PIK3R2: variants seen among roughly 807,000 people sequenced by gnomAD.
PIK3R2 encodes phosphoinositide-3-kinase regulatory subunit 2.
In PIK3R2, 40 loss-of-function variants were observed where a neutral mutation model predicts 78.5. The ratio of observed to expected loss-of-function variants is 0.51; its 90% CI spans 0.40 to 0.66. PIK3R2 has a LOEUF of 0.66. Ranked by LOEUF, PIK3R2 falls within the 30% of genes least tolerant of loss-of-function variation. The pLI, the probability that PIK3R2 is intolerant of heterozygous loss-of-function variation, is 0.00. For synonymous variants in PIK3R2, 473 were observed against 457.7 expected (o/e 1.03, Z -0.43); for missense variants, 880 against 1,026.6 (o/e 0.86, Z 1.95).
At position 18,162,980 on chromosome 19, in the gene PIK3R2, A is replaced by T; in HGVS notation, c.1123A>T (p.Asn375Tyr). ...YTLTLRKGGN[N>Y]KLIKVFHRDG... ...CTCCTCCCCCAGGAAAGGCGGGAACAATAAGCTGATCAAGGTCTTCCACCG... is the reference window on the plus strand; with the variant it reads ...CTCCTCCCCCAGGAAAGGCGGGAACTATAAGCTGATCAAGGTCTTCCACCG... The change falls in exon 10 of 16, where the codon AAT becomes TAT. Residue 375 changes from asparagine to tyrosine, a missense_variant. Around this residue, in one of 3 missense-constraint regions of PIK3R2, gnomAD observed 156 missense variants for 241.0 expected, o/e 0.65. Transcript: ENST00000222254. 1 of 1,613,366 alleles carries T rather than the reference A, an allele frequency of 6.2e-7. No individual in the cohort carries two copies.
Position 18,168,376 on chromosome 19 carries a change from C to G in PIK3R2, c.1737-99C>G. On this transcript the variant is annotated intron_variant, in intron 13 of 15. Coordinates refer to ENST00000222254, the MANE Select transcript of PIK3R2 (RefSeq NM_005027.4). This position sits in a 1 kb window ranked among gnomAD's most constrained non-coding sequence, Gnocchi z 4.1. ...CAACCGGAGATATTGTACCCAGAACCCTCTCTCCTCAGCCAGACCCTGCCT... is the reference window on the plus strand; with the variant it reads ...CAACCGGAGATATTGTACCCAGAACGCTCTCTCCTCAGCCAGACCCTGCCT... 1 of 709,922 alleles carries G rather than the reference C, an allele frequency of 1.4e-6. No individual in the cohort carries two copies. Among genetic ancestry groups the G allele is most frequent in the Non-Finnish European group, 2.6e-6 (1 of 382,322 alleles). 44.0% of individuals were successfully genotyped at this position (709,922 alleles called of 1,614,324 possible). A position where few individuals can be genotyped will look rare whatever the true frequency, so the allele number is the denominator to read the frequency against.
At chr19:18,166,553 A>G (rs2043812647) in intron 12 of PIK3R2, among the ~76,000 whole-genome samples, 1 of 151,980 alleles carries the variant, frequency 6.6e-6, no homozygotes, top group African/African-American at 2.4e-5. Context: ...TCTATTAAAA[A>G]TACAAAAATT....
chr19:18,164,182 A>G (rs187798238), intron 11 of PIK3R2, among the ~76,000 whole-genome samples: 2 of 152,298 alleles, frequency 1.3e-5, no homozygotes, highest in Middle Eastern at 3.4e-3. Flanking sequence ...TACAAAACCA[A>G]AAAAGGACAG....
At position 18,169,291 on chromosome 19, in the gene PIK3R2, C is replaced by G; in HGVS notation, c.2184C>G (p.Arg728=). ...APGPGPPPAA[R] ...GCCCCGGCCCGCCGCCTGCCGCCCG[C>G]TGAGCACCGAGGACCCGCCCCAAGC... Residue 728 remains arginine, a synonymous_variant, in exon 16 of 16, where the codon CGC becomes CGG. Transcript: ENST00000222254. 2 of 1,485,716 alleles carry G rather than the reference C, an allele frequency of 1.3e-6. No individual in the cohort carries two copies. Among genetic ancestry groups the G allele is most frequent in the Non-Finnish European group, 1.8e-6 (2 of 1,124,282 alleles). The allele number at this position is 1,485,716 out of a possible 1,614,324, so 92.0% of individuals were successfully genotyped here.
In PIK3R2 at chr19:18,160,458, T is replaced by A; in HGVS notation, c.323-13T>A. On this transcript the variant is annotated splice_polypyrimidine_tract_variant and intron_variant, in intron 2 of 15. Transcript: ENST00000222254. ...ACCCCACCAACATGCAACCCCCCTG[T>A]TTCCCCCACCAGGCCTCACACTCCC... 6.4e-7 allele frequency: 1 copy of A among 1,555,826 alleles called. No homozygotes were observed. The highest frequency in any genetic ancestry group is 8.9e-7 in the Non-Finnish European group (1 of 1,127,000).
intron 11 of PIK3R2, among the ~76,000 whole-genome samples, chr19:18,164,765 A>G (rs1599981411): frequency 6.6e-6 from 1 of 150,394 alleles, no homozygotes; most frequent in Admixed American, 6.6e-5. Flanking sequence ...CCTCCCAAGT[A>G]ACTGGGACTA....
In PIK3R2 at chr19:18,156,050, G is replaced by A. The variant is rs2147945063; in HGVS notation, c.171G>A (p.Met57Ile). The change falls in exon 2 of 16, where the codon ATG (methionine) becomes ATA (isoleucine). Residue 57 changes from methionine to isoleucine, a missense_variant. Physicochemically the swap from Met to Ile is conservative, Grantham distance 10. This residue lies in a region of PIK3R2 where 456 missense variants were observed against 486.6 expected (regional missense o/e 0.94). Coordinates refer to ENST00000222254, the MANE Select transcript of PIK3R2 (RefSeq NM_005027.4). This position sits in a 1 kb window ranked among gnomAD's most constrained non-coding sequence, Gnocchi z 4.2. Reference sequence around the variant, plus strand: ...GCTGCCCACAGAGCGTGGGCTGGATGCCCGGCCTCAACGAGCGCACACGGC... The same window carrying A: ...GCTGCCCACAGAGCGTGGGCTGGATACCCGGCCTCAACGAGCGCACACGGC... ...GERCPQSVGW[M>I]PGLNERTRQR... 1 of 1,562,478 alleles carries A rather than the reference G, an allele frequency of 6.4e-7. No individual in the cohort carries two copies. Among genetic ancestry groups the A allele is most frequent in the Non-Finnish European group, 8.7e-7 (1 of 1,154,028 alleles).
intron 11 of PIK3R2, among the ~76,000 whole-genome samples, chr19:18,164,862 C>G (rs560881649): frequency 6.8e-6 from 1 of 148,056 alleles, no homozygotes; most frequent in South Asian, 2.2e-4. Context: ...TCTCGAACTC[C>G]TGGCCTCAAG....
chr19:18,163,423 CAT>C (rs1568637287), intron 11 of PIK3R2, 35 bp downstream of exon 11: 2 of 1,612,380 alleles, frequency 1.2e-6, no homozygotes, highest in South Asian at 1.1e-5. Flanking sequence ...GAAACCGAGA[CAT>C]AGAGGGGCAG....
At chr19:18,165,086 C>T (rs1313657874) in intron 11 of PIK3R2, among the ~76,000 whole-genome samples, 1 of 150,178 alleles carries the variant, frequency 6.7e-6, no homozygotes, top group Non-Finnish European at 1.5e-5. Flanking sequence ...AAAAATTAGC[C>T]GAGCCAGGCA....
At position 18,155,790 on chromosome 19, in the gene PIK3R2, C is replaced by T. The variant is rs2043670741; in HGVS notation, c.-90C>T. On this transcript the variant is annotated 5_prime_UTR_variant, in exon 2 of 16. Transcript: ENST00000222254. Reference sequence around the variant, plus strand: ...GTCCCAGCACCCCAAGCCAACCCAGCGGACCCTCCCAGCCCTGCTTCAACC... The same window carrying T: ...GTCCCAGCACCCCAAGCCAACCCAGTGGACCCTCCCAGCCCTGCTTCAACC... The T allele has an allele frequency of 7.2e-6, 9 of 1,242,192 alleles. No homozygotes were observed. Among genetic ancestry groups the T allele is most frequent in the Non-Finnish European group, 9.8e-6 (9 of 919,984 alleles). 76.9% of individuals were successfully genotyped at this position (1,242,192 alleles called of 1,614,324 possible). A position where few individuals can be genotyped will look rare whatever the true frequency, so the allele number is the denominator to read the frequency against.
rs952416505 is a variant in PIK3R2 at position 18,169,189 on chromosome 19, G to T, written c.2082G>T (p.Leu694=). ...ACGGGTCGCTGAAGGAGCTGGTGCT[G>T]CACTACCAGCACGCCTCGCTGGTGC... ...NLYGSLKELV[L]HYQHASLVQH... Residue 694 remains leucine, a synonymous_variant, in exon 16 of 16, where the codon CTG becomes CTT. Coordinates refer to ENST00000222254, the MANE Select transcript of PIK3R2 (RefSeq NM_005027.4). 1 of 1,608,606 alleles carries T rather than the reference G, an allele frequency of 6.2e-7. No individual in the cohort carries two copies. Among genetic ancestry groups the T allele is most frequent in the Non-Finnish European group, 8.5e-7 (1 of 1,179,628 alleles).
chr19:18,154,113 T>C (rs1234570123), intron 1 of PIK3R2, among the ~76,000 whole-genome samples: 1 of 152,138 alleles, frequency 6.6e-6, no homozygotes, highest in Non-Finnish European at 1.5e-5. Context: ...GCTTTGCATG[T>C]GCCGTTCCGT....
intron 2 of PIK3R2, among the ~76,000 whole-genome samples, chr19:18,157,511 C>T (rs1179446934): frequency 1.3e-5 from 2 of 152,208 alleles, no homozygotes; most frequent in African/African-American, 2.4e-5. Context: ...CCCAACCCCT[C>T]GGAAATGTGC....
intron 12 of PIK3R2, among the ~76,000 whole-genome samples, 195 bp from the exon 13 acceptor site, chr19:18,166,935 G>T (rs1237541796): frequency 6.6e-6 from 1 of 151,704 alleles, no homozygotes; most frequent in Non-Finnish European, 1.5e-5. Flanking sequence ...AGGAGTTTGA[G>T]ACCAGCCTGG....
rs2147957955 is a variant in PIK3R2 at position 18,167,289 on chromosome 19, C to A, written c.1719C>A (p.Ile573=). 3 of 1,601,268 alleles carry A rather than the reference C, an allele frequency of 1.9e-6. No individual in the cohort carries two copies. Among genetic ancestry groups the A allele is most frequent in the Non-Finnish European group, 2.6e-6 (3 of 1,174,260 alleles). ...LKPDLMQLRK[I]RDQYLVWLTQ... is the part of the protein sequence containing the mutation. ...CGGACCTCATGCAGCTGCGCAAGATCCGAGACCAGTACCTCGTGTAAGTGG... is the reference window on the plus strand; with the variant it reads ...CGGACCTCATGCAGCTGCGCAAGATACGAGACCAGTACCTCGTGTAAGTGG... The change falls in exon 13 of 16, where the codon ATC becomes ATA. Residue 573 remains isoleucine, a synonymous_variant. Transcript: ENST00000222254. This position sits in a 1 kb window ranked among gnomAD's most constrained non-coding sequence, Gnocchi z 4.5.
chr19:18,158,813 GTTAT>G (rs2043708508), intron 2 of PIK3R2, among the ~76,000 whole-genome samples: 1 of 152,102 alleles, frequency 6.6e-6, no homozygotes, highest in South Asian at 2.1e-4. Flanking sequence ...CAATGGAAAT[GTTAT>G]TTATTAATTA....
chr19:18,161,446 C>CT lies in PIK3R2; in HGVS notation c.766_767insT (p.Arg256LeufsTer19). ...CGCCACCTTTGGGCCGCTGCTGCTG[C>CT]GCGCGCCGCCGCCGCCGTCCTCGCC... On this transcript the variant is annotated frameshift_variant, in exon 6 of 16. Transcript: ENST00000222254. LOFTEE classifies it high-confidence loss of function. The surrounding 1 kb of genome is among the most constrained non-coding windows in gnomAD (Gnocchi z 5.3). 8.3e-7 allele frequency: 1 copy of CT among 1,204,862 alleles called. No individual in the cohort carries two copies. Among genetic ancestry groups the CT allele is most frequent in the Non-Finnish European group, 1.0e-6 (1 of 972,490 alleles). The allele number at this position is 1,204,862 out of a possible 1,614,324, so 74.6% of individuals were successfully genotyped here.
At chr19:18,160,703 T>C in intron 3 of PIK3R2, 140 bp downstream of exon 3, 2 of 882,652 alleles carry the variant, frequency 2.3e-6, no homozygotes, top group Non-Finnish European at 3.6e-6. Flanking sequence ...CTATGTTGAA[T>C]AGGGCACAGA....
Sources: gnomAD v4.1 joint callset for allele counts (sites outside exome capture counted in the v4.1 genomes callset) on GRCh38, gnomAD v4.1.1 for gene constraint, gnomAD v4.1.1 regional missense constraint, Gnocchi (gnomAD v3.1) non-coding constraint, MANE v1.5 for transcripts, NCBI Gene and HGNC (gene_info 2026-07-23, HGNC 2026-07-21) for gene names.